Variants in BICD1 observed in about 807,000 individuals in gnomAD.
BICD1 encodes protein bicaudal D homolog 1.
BICD1 carries 35 observed loss-of-function variants against 92.5 expected under a neutral mutation model. That is an observed-to-expected ratio of 0.38 (90% CI 0.29 to 0.50). The LOEUF (loss-of-function observed/expected upper bound fraction) is 0.50. Among genes scored for constraint, BICD1 ranks in the 20% least tolerant of loss-of-function variants. The probability of loss-of-function intolerance (pLI) is 0.93; values close to 1 mark genes in which losing one functional copy is unlikely to be tolerated. For missense variants in BICD1, 950 were observed against 1,189.8 expected, an observed-to-expected ratio of 0.80 and a Z score of 2.97; for synonymous variants, 429 against 465.1, an observed-to-expected ratio of 0.92 and a Z score of 1.00.
chr12:32,276,780 A>T (rs1947286462), intron 2 of BICD1, among the ~76,000 whole-genome samples: 2 of 152,216 alleles, frequency 1.3e-5, no homozygotes, highest in African/African-American at 2.4e-5. Flanking sequence ...GTGATTTTTT[A>T]AAAAACTGCC....
Position 32,178,774 on chromosome 12 carries a change from A to G in BICD1, c.214-37473A>G, listed in dbSNP as rs1341880021. 2.6e-5 allele frequency among the ~76,000 whole-genome samples: 4 copies of G among 151,890 alleles called. No individual in the cohort carries two copies. In the East Asian group the frequency reaches 7.7e-4, roughly 29 times the overall value. On this transcript the variant is annotated intron_variant, in intron 1 of 9. Transcript: ENST00000652176. ...TGGTCTGAGCAGCCTCTAAATTTGT[A>G]CAAAAGCCTGGTGGCTGGCTGGGTT...
At chr12:32,151,925 T>C (rs985301502) in intron 1 of BICD1, among the ~76,000 whole-genome samples, 1 of 152,124 alleles carries the variant, frequency 6.6e-6, no homozygotes, top group African/African-American at 2.4e-5. Flanking sequence ...GTTCAAGCAG[T>C]CAGCAGAGAC....
rs143314054 is a variant in BICD1, at chr12:32,279,421, C to G, written c.427-14573C>G. ...AGTGATACCAAAAGAAAGATCTTCCCCAAAAAGCTTTCCCGTAAAAATACA... is the reference window on the plus strand; with the variant it reads ...AGTGATACCAAAAGAAAGATCTTCCGCAAAAAGCTTTCCCGTAAAAATACA... On this transcript the variant is annotated intron_variant, in intron 2 of 9. Coordinates refer to ENST00000652176, the MANE Select transcript of BICD1 (RefSeq NM_001714.4). Among the ~76,000 whole-genome samples, 876 of 152,222 alleles carry G rather than the reference C, an allele frequency of 5.8e-3. 7 individuals are homozygous for G. Among genetic ancestry groups the G allele is most frequent in the African/African-American group, 0.02 (820 of 41,534 alleles).
Position 32,304,833 on chromosome 12 carries a change from TACAG to T in BICD1, c.580-863_580-860del, listed in dbSNP as rs1948168447. ...AGGAGTTCAAGAGCAGCCTGGGCAATACAGTGAGACCGTCTCTACAAGAAATAAA... is the reference window on the plus strand; with the variant it reads ...AGGAGTTCAAGAGCAGCCTGGGCAATTGAGACCGTCTCTACAAGAAATAAA... On this transcript the variant is annotated intron_variant, in intron 3 of 9. Transcript: ENST00000652176. Among the ~76,000 whole-genome samples, 8 of 152,146 alleles carry T rather than the reference TACAG, an allele frequency of 5.3e-5. No individual in the cohort carries two copies. In the South Asian group the frequency reaches 1.7e-3, roughly 32 times the overall value.
chr12:32,166,791 C>T (rs188167415), intron 1 of BICD1, among the ~76,000 whole-genome samples: 2 of 152,198 alleles, frequency 1.3e-5, no homozygotes, highest in Admixed American at 6.5e-5. Flanking sequence ...AATCCTTGAC[C>T]GAAGGCAAGT....
In BICD1 at chr12:32,327,467, C is replaced by T. The variant is rs201669807; in HGVS notation, c.1012C>T (p.Arg338Trp). 189 of 1,594,394 alleles carry T rather than the reference C, an allele frequency of 1.2e-4. No homozygotes were observed. Among genetic ancestry groups the T allele is most frequent in the Admixed American group, 8.7e-5 (5 of 57,306 alleles). Residue 338 changes from arginine (R) to tryptophan (W), a missense_variant, in exon 5 of 10, where the codon CGG becomes TGG. Coordinates refer to ENST00000652176, the MANE Select transcript of BICD1 (RefSeq NM_001714.4). The stretch of plus-strand genomic sequence containing the variant: ...CTTTCTTTTGCCATTGCAGGTAGAG[C>T]GGGAAAAGGCCATTCTTTTGGCCAA... ...KLKQQLMQVE[R>W]EKAILLANLQ...
chr12:32,122,215 G>A (rs1942178766), intron 1 of BICD1, among the ~76,000 whole-genome samples: 1 of 152,034 alleles, frequency 6.6e-6, no homozygotes, highest in Non-Finnish European at 1.5e-5. Flanking sequence ...GGGAGGCCGA[G>A]GTGGGTGGAT....
Position 32,306,541 on chromosome 12 carries a change from C to T in BICD1, c.1005+419C>T, listed in dbSNP as rs372776193. On this transcript the variant is annotated intron_variant, in intron 4 of 9. Coordinates refer to ENST00000652176, the MANE Select transcript of BICD1 (RefSeq NM_001714.4). Reference sequence around the variant, plus strand: ...TACAGGCGTGAGCCACCGCGCCCAGCCCCAGCTTTCTTTTCTAAATATTGC... The same window carrying T: ...TACAGGCGTGAGCCACCGCGCCCAGTCCCAGCTTTCTTTTCTAAATATTGC... 2.6e-5 allele frequency among the ~76,000 whole-genome samples: 4 copies of T among 152,188 alleles called. No individual in the cohort carries two copies. The South Asian group carries it at 8.3e-4, about 32-fold the overall frequency.
intron 1 of BICD1, among the ~76,000 whole-genome samples, chr12:32,186,025 A>C (rs1944415397): frequency 6.6e-6 from 1 of 151,582 alleles, no homozygotes; most frequent in Non-Finnish European, 1.5e-5. Context: ...CTCTCCCCCA[A>C]CTCCTTGAGC....
intron 5 of BICD1, among the ~76,000 whole-genome samples, chr12:32,330,590 A>T (rs1051433151): frequency 2.0e-5 from 3 of 146,914 alleles, no homozygotes; most frequent in East Asian, 4.2e-4. Flanking sequence ...TATATATATA[A>T]AATAAATAAA....
chr12:32,211,086 C>T (rs1388828759), intron 1 of BICD1, among the ~76,000 whole-genome samples: 2 of 152,126 alleles, frequency 1.3e-5, no homozygotes, highest in Non-Finnish European at 2.9e-5. Flanking sequence ...TCTCCTTCAC[C>T]CTCCCTTTCT....
At chr12:32,181,278 G>A (rs1206674845) in intron 1 of BICD1, among the ~76,000 whole-genome samples, 1 of 151,704 alleles carries the variant, frequency 6.6e-6, no homozygotes, top group Non-Finnish European at 1.5e-5. Flanking sequence ...AAATTAGCTG[G>A]GAGTGGTGGC....
chr12:32,367,703 A>G lies in BICD1; in HGVS notation c.2798A>G (p.Gln933Arg). The change falls in exon 9 of 10, where the codon CAG (glutamine) becomes CGG (arginine). Residue 933 changes from glutamine to arginine, a missense_variant. Physicochemically the swap from Gln to Arg is conservative, Grantham distance 43. Around this residue, in one of 5 missense-constraint regions of BICD1, gnomAD observed 179 missense variants for 186.7 expected, o/e 0.96. Coordinates refer to ENST00000652176, the MANE Select transcript of BICD1 (RefSeq NM_001714.4). The part of the protein sequence containing the change: ...CQQPAASVPP[Q>R]CSQLAGRQDC... ...CAGCCTGCTGCCTCCGTACCGCCAC[A>G]GTGCTCACAACTAGCCGGGAGGCAA... 1.2e-6 allele frequency: 2 copies of G among 1,614,202 alleles called. No homozygotes were observed. Among genetic ancestry groups the G allele is most frequent in the Non-Finnish European group, 1.7e-6 (2 of 1,180,036 alleles).
In BICD1 at chr12:32,339,845, G is replaced by A. The variant is rs918199524; in HGVS notation, c.2764+866G>A. 8.2e-6 allele frequency: 8 copies of A among 971,236 alleles called. No individual in the cohort carries two copies. The African/African-American group carries it at 1.4e-4, about 17-fold the overall frequency. The allele number at this position is 971,236 out of a possible 1,614,324, so 60.2% of individuals were successfully genotyped here. Reference sequence around the variant, plus strand: ...GTTATTGACAGTTAAAAATTCAAGAGATTTTATATGAACATCAGTATTTCT... The same window carrying A: ...GTTATTGACAGTTAAAAATTCAAGAAATTTTATATGAACATCAGTATTTCT... On this transcript the variant is annotated intron_variant, in intron 8 of 9. Transcript: ENST00000652176.
At chr12:32,146,260 T>G (rs1324221930) in intron 1 of BICD1, among the ~76,000 whole-genome samples, 1 of 152,212 alleles carries the variant, frequency 6.6e-6, no homozygotes, top group South Asian at 2.1e-4. Context: ...TGTTAGCCAA[T>G]AGTGCCTCAC....
At chr12:32,215,032 C>T (rs1483668090) in intron 1 of BICD1, among the ~76,000 whole-genome samples, 6 of 152,198 alleles carry the variant, frequency 3.9e-5, no homozygotes, top group Non-Finnish European at 8.8e-5. Context: ...AGTTTGAGAC[C>T]AGCCTGGCCA....
chr12:32,300,268 A>G (rs1459847996), intron 3 of BICD1, among the ~76,000 whole-genome samples: 1 of 151,644 alleles, frequency 6.6e-6, no homozygotes, highest in Non-Finnish European at 1.5e-5. Flanking sequence ...TGCCTGGCTA[A>G]TTTTCTTGTA....
chr12:32,327,745 G>A lies in BICD1; in HGVS notation c.1290G>A (p.Leu430=). The change falls in exon 5 of 10, where the codon CTG becomes CTA. Residue 430 remains leucine, a synonymous_variant. Coordinates refer to ENST00000652176, the MANE Select transcript of BICD1 (RefSeq NM_001714.4). ...TGGCAGTAACTGAGGTGATTGATCT[G>A]AAAGCTGAAATTAAGGCCTTAAAGG... The part of the protein sequence containing the change: ...YRVAVTEVID[L]KAEIKALKEK... 6.2e-7 allele frequency: 1 copy of A among 1,614,152 alleles called. No individual in the cohort carries two copies. The highest frequency in any genetic ancestry group is 1.1e-5 in the South Asian group (1 of 91,086).
intron 4 of BICD1, among the ~76,000 whole-genome samples, chr12:32,306,687 A>G (rs1437162554): frequency 6.6e-6 from 1 of 152,068 alleles, no homozygotes; most frequent in Non-Finnish European, 1.5e-5. Context: ...AGAGCCACAA[A>G]TTGAGCTCCA....
Sources: gnomAD v4.1 joint callset for allele counts (sites outside exome capture counted in the v4.1 genomes callset) on GRCh38, gnomAD v4.1.1 for gene constraint, gnomAD v4.1.1 regional missense constraint, MANE v1.5 for transcripts, NCBI Gene and HGNC (gene_info 2026-07-23, HGNC 2026-07-21) for gene names.